C4orf51: variants seen among roughly 807,000 people sequenced by gnomAD.
C4orf51 encodes the protein uncharacterized protein C4orf51.
A neutral mutation model predicts 25.2 loss-of-function variants in C4orf51; 25 were observed. That is an observed-to-expected ratio of 0.99 (90% CI 0.72 to 1.39). C4orf51 has a LOEUF of 1.39. Among genes scored for constraint, C4orf51 ranks in the 40% most tolerant of loss-of-function variants. The pLI is 0.00. For synonymous variants in C4orf51, 100 were observed against 84.5 expected (o/e 1.18, Z -1.01); for missense variants, 252 against 239.6 (o/e 1.05, Z -0.34).
chr4:145,701,664 A>T lies in C4orf51; in HGVS notation c.307+5032A>T, dbSNP rs377667365. ...TAAGTCCGTCCCCTTCTTAATCAAT[A>T]CGGAGGCTACCCACTCCACATTACC... On this transcript the variant is annotated intron_variant, in intron 2 of 5. Transcript: ENST00000438731. Among the ~76,000 whole-genome samples, 185 of 151,448 alleles carry T rather than the reference A, an allele frequency of 1.2e-3. 1 individual carries two copies. Among genetic ancestry groups the T allele is most frequent in the South Asian group, 3.8e-3 (18 of 4,776 alleles).
chr4:145,773,254 C>T (rs1736556633), downstream of C4orf51, among the ~76,000 whole-genome samples: 2 of 152,320 alleles, frequency 1.3e-5, no homozygotes, highest in African/African-American at 4.8e-5. Flanking sequence ...AATGTGGTTA[C>T]AGTCAGACAA....
intron 1 of C4orf51, among the ~76,000 whole-genome samples, chr4:145,681,448 C>T (rs1283864804): frequency 6.6e-6 from 1 of 152,148 alleles, no homozygotes; most frequent in Non-Finnish European, 1.5e-5. Flanking sequence ...AGTATAATTT[C>T]TGCATTTTTA....
intron 2 of C4orf51, among the ~76,000 whole-genome samples, chr4:145,714,504 G>A (rs537631356): frequency 5.3e-5 from 8 of 152,014 alleles, no homozygotes; most frequent in African/African-American, 7.3e-5. Context: ...TACATATTCC[G>A]TTTGTTTTTT....
At chr4:145,750,104 GTTA>G (rs1182483884) in intron 1 of C4orf51, among the ~76,000 whole-genome samples, 1 of 151,934 alleles carries the variant, frequency 6.6e-6, no homozygotes, top group Admixed American at 6.6e-5. Context: ...AGTTGTTGTA[GTTA>G]TTATTTTTAA....
Position 145,731,407 on chromosome 4 carries a change from C to G in C4orf51, c.502-1046C>G, listed in dbSNP as rs531958005. Reference sequence around the variant, plus strand: ...CAACAAATAAATGACATTAATCCTGCTCTTGTTTTTGTGGTGCAATAACAG... The same window carrying G: ...CAACAAATAAATGACATTAATCCTGGTCTTGTTTTTGTGGTGCAATAACAG... On this transcript the variant is annotated intron_variant, in intron 5 of 5. Transcript: ENST00000438731. Among the ~76,000 whole-genome samples the G allele has an allele frequency of 1.6e-4, 25 of 152,092 alleles. No homozygotes were observed. The East Asian group carries it at 4.6e-3, about 28-fold the overall frequency.
chr4:145,744,688 G>A (rs1056616063), intron 1 of C4orf51, among the ~76,000 whole-genome samples: 10 of 152,138 alleles, frequency 6.6e-5, no homozygotes, highest in African/African-American at 2.2e-4. Context: ...AAAAAAATTA[G>A]TAATTCTACA....
chr4:145,684,166 A>C (rs1728998340), intron 1 of C4orf51, among the ~76,000 whole-genome samples: 1 of 152,174 alleles, frequency 6.6e-6, no homozygotes, highest in African/African-American at 2.4e-5. Flanking sequence ...AGGGATACAC[A>C]GTTGGCAAAT....
intron 3 of C4orf51, 29 bp downstream of exon 3, chr4:145,726,998 T>G (rs1313393594): frequency 1.9e-6 from 3 of 1,562,928 alleles, no homozygotes; most frequent in Admixed American, 1.7e-5. Flanking sequence ...AGCAATCTCT[T>G]ACCTGTAGAG....
intron 1 of C4orf51, among the ~76,000 whole-genome samples, chr4:145,684,509 T>A (rs896530352): frequency 6.6e-6 from 1 of 152,180 alleles, no homozygotes; most frequent in Admixed American, 6.5e-5. Context: ...GATGTCCCAC[T>A]ACAACATATG....
chr4:145,705,545 C>A (rs1179080638), intron 2 of C4orf51, among the ~76,000 whole-genome samples: 1 of 151,732 alleles, frequency 6.6e-6, no homozygotes, highest in Non-Finnish European at 1.5e-5. Flanking sequence ...TTCCTGCTGA[C>A]AGGGAGGGGT....
chr4:145,718,729 C>T (rs1193023109), intron 2 of C4orf51, among the ~76,000 whole-genome samples: 1 of 152,240 alleles, frequency 6.6e-6, no homozygotes, highest in African/African-American at 2.4e-5. Context: ...CCTATCTTTC[C>T]AGTCTCATTT....
At chr4:145,756,403 C>G (rs1395494063), downstream of C4orf51, among the ~76,000 whole-genome samples, 3 of 152,112 alleles carry the variant, frequency 2.0e-5, no homozygotes, top group Non-Finnish European at 2.9e-5. Flanking sequence ...CTTGGAGATG[C>G]CGGGGTCCAC....
At chr4:145,723,184 C>T (rs529708212) in intron 2 of C4orf51, among the ~76,000 whole-genome samples, 10 of 152,222 alleles carry the variant, frequency 6.6e-5, no homozygotes, top group Admixed American at 3.9e-4. Context: ...TTGGGGACTG[C>T]TGCATAAAGA....
At chr4:145,693,703 G>A (rs1729779441) in intron 1 of C4orf51, among the ~76,000 whole-genome samples, 1 of 86,132 alleles carries the variant, frequency 1.2e-5, no homozygotes, top group Non-Finnish European at 2.3e-5. Context: ...GCGGCTGGCC[G>A]GACGGGGGGC....
chr4:145,752,538 A>G (rs12649797), intron 1 of C4orf51, among the ~76,000 whole-genome samples: 29,255 of 152,024 alleles, frequency 0.19, 3,805 homozygotes, highest in East Asian at 0.67. Flanking sequence ...CAAAGCCCTC[A>G]TTTCTCTTCC....
chr4:145,774,368 G>T, downstream of C4orf51: 2 of 933,904 alleles, frequency 2.1e-6, no homozygotes, highest in Non-Finnish European at 3.2e-6. Context: ...TGGCTTTCAT[G>T]CCTTGGGAAA....
At position 145,763,262 on chromosome 4, in the gene C4orf51, C is replaced by A. The variant is rs1225740390; in HGVS notation, n.167-7726C>A. ...ATTTTAAGGACATTTCTGTGACCCA[C>A]AGCTCAATCTTTCTTTCACTGCTCA... On this transcript the variant is annotated intron_variant and non_coding_transcript_variant, in intron 1 of 1. Transcript: ENST00000510096. This position sits in a 1 kb window ranked among gnomAD's most constrained non-coding sequence, Gnocchi z 4.6. The A allele has an allele frequency of 2.3e-6, 2 of 868,050 alleles. No individual in the cohort carries two copies. Among genetic ancestry groups the A allele is most frequent in the Admixed American group, 2.6e-5 (1 of 38,134 alleles). The allele number at this position is 868,050 out of a possible 1,614,324, so 53.8% of individuals were successfully genotyped here.
In C4orf51 at chr4:145,732,685, T is replaced by C. The variant is rs533696728; in HGVS notation, c.*125T>C. ...CCAGGAACGTCTGGACCCTGGCAGG[T>C]TGGCTTTCTGGGACAATTCCATGGG... On this transcript the variant is annotated 3_prime_UTR_variant, in exon 6 of 6. Coordinates refer to ENST00000438731, the MANE Select transcript of C4orf51 (RefSeq NM_001080531.3). 1,430 of 556,180 alleles carry C rather than the reference T, an allele frequency of 2.6e-3. 13 individuals are homozygous for C. In the African/African-American group the frequency reaches 0.026, roughly 10 times the overall value. The allele number at this position is 556,180 out of a possible 1,614,324, so 34.5% of individuals were successfully genotyped here. A position where few individuals can be genotyped will look rare whatever the true frequency, so the allele number is the denominator to read the frequency against.
chr4:145,728,527 T>A (rs561526139), intron 3 of C4orf51, among the ~76,000 whole-genome samples: 7 of 152,332 alleles, frequency 4.6e-5, no homozygotes, highest in African/African-American at 7.2e-5. Flanking sequence ...ACTGAACCAT[T>A]GTTCCTAAAG....
Sources: allele counts gnomAD v4.1 joint callset (sites outside exome capture counted in the v4.1 genomes callset), GRCh38; gene constraint gnomAD v4.1.1; non-coding constraint Gnocchi (gnomAD v3.1); transcripts MANE v1.5; gene names NCBI Gene and HGNC (gene_info 2026-07-23, HGNC 2026-07-21).